The following EYA3 variants were observed in gnomAD, a reference collection of about 807,000 sequenced individuals.
The protein encoded by EYA3 is EYA transcriptional coactivator and phosphatase 3.
EYA3 carries 39 observed loss-of-function variants against 80.0 expected under a neutral mutation model. The observed-to-expected ratio is 0.49, with a 90% CI of 0.38 to 0.64. EYA3 has a LOEUF of 0.64. Among genes scored for constraint, EYA3 ranks in the 30% least tolerant of loss-of-function variants. The probability of loss-of-function intolerance (pLI) is 0.00; values close to 1 mark genes in which losing one functional copy is unlikely to be tolerated. For synonymous variants in EYA3, 206 were observed against 232.8 expected (o/e 0.88, Z 1.05); for missense variants, 523 against 676.1 (o/e 0.77, Z 2.51).
intron 11 of EYA3, 89 bp downstream of exon 11, chr1:28,004,247 T>C: frequency 2.3e-6 from 2 of 887,360 alleles, no homozygotes; most frequent in Non-Finnish European, 3.5e-6. Context: ...CCAACAGGGG[T>C]AGCAGAGAAA....
At position 28,027,920 on chromosome 1, in the gene EYA3, A is replaced by C. The variant is rs761172523; in HGVS notation, c.368T>G (p.Leu123Trp). The C allele has an allele frequency of 2.5e-6, 4 of 1,613,974 alleles. No individual in the cohort carries two copies. The highest frequency in any genetic ancestry group is 3.4e-6 in the Non-Finnish European group (4 of 1,179,990). ...QTYGLPPFGA[L>W]WPGMKPESGL... Reference sequence around the variant, plus strand: ...ACTTTCAGGTTTCATACCTGGCCACAATGCACCTGAATCAGATAAATTGGA... The same window carrying C: ...ACTTTCAGGTTTCATACCTGGCCACCATGCACCTGAATCAGATAAATTGGA... The change falls in exon 7 of 18, where the codon TTG becomes TGG. Residue 123 changes from leucine to tryptophan, a missense_variant. This residue lies in a region of EYA3 where 304 missense variants were observed against 343.3 expected (regional missense o/e 0.89). Transcript: ENST00000373871.
rs1468649207 is a variant in EYA3 at position 28,084,583 on chromosome 1, ATATATATATATATTTTTTTTTTTTTTTT to A, written c.-69+3913_-69+3940del. Among the ~76,000 whole-genome samples the A allele has an allele frequency of 8.2e-3, 141 of 17,284 alleles. 1 individual carries two copies. The highest frequency in any genetic ancestry group is 0.034 in the African/African-American group (135 of 3,964). 11.3% of individuals were successfully genotyped at this position (17,284 alleles called of 152,430 possible). ...TATATATATATATATATATATATAT[ATATATATATATATTTTTTTTTTTTTTTT>A]TTTTTTTTTTTTTTTTGAGATGAGT... On this transcript the variant is annotated intron_variant, in intron 1 of 17. Coordinates refer to ENST00000373871, the MANE Select transcript of EYA3 (RefSeq NM_001990.4).
At position 28,035,528 on chromosome 1, in the gene EYA3, C is replaced by T. The variant is rs747378195; in HGVS notation, c.361+16G>A. 6.2e-7 allele frequency: 1 copy of T among 1,603,868 alleles called. No individual in the cohort carries two copies. The highest frequency in any genetic ancestry group is 1.1e-5 in the South Asian group (1 of 88,710). ...AATCAACATTCTTAGAAATTGTTTA[C>T]AATACAGTGCCTTACCAAAAGGAGG... On this transcript the variant is annotated intron_variant, in intron 6 of 17. Transcript: ENST00000373871.
At chr1:28,037,049 A>G (rs1643498528) in intron 5 of EYA3, among the ~76,000 whole-genome samples, 1 of 152,336 alleles carries the variant, frequency 6.6e-6, no homozygotes, top group East Asian at 1.9e-4. Flanking sequence ...AAGTATATTA[A>G]GAGAAGTAGC....
intron 10 of EYA3, chr1:28,010,676 A>T (rs771774898): frequency 3.0e-5 from 10 of 331,180 alleles, no homozygotes; most frequent in Non-Finnish European, 5.5e-5. Flanking sequence ...TGACCCTTTT[A>T]AAATTTTAAA....
At chr1:27,986,870 T>C (rs1639694640) in intron 16 of EYA3, among the ~76,000 whole-genome samples, 1 of 152,026 alleles carries the variant, frequency 6.6e-6, no homozygotes, top group Non-Finnish European at 1.5e-5. Flanking sequence ...GCCCAGCTAA[T>C]TTTTTGTATT....
rs141281529 is a variant in EYA3, at chr1:27,988,307, A to G, written c.1540+228T>C. Among the ~76,000 whole-genome samples, 3 of 152,318 alleles carry G rather than the reference A, an allele frequency of 2.0e-5. No homozygotes were observed. In the East Asian group the frequency reaches 5.8e-4, roughly 29 times the overall value. On this transcript the variant is annotated intron_variant, in intron 16 of 17. Transcript: ENST00000373871. ...CTAAGCTAGATATTATGTTCTTTCA[A>G]ATATTATCAAAGAGCATGCTTATGT...
rs1017922327 is a variant in EYA3, at chr1:27,971,748, C to G, written c.*2718G>C. 3 of 152,122 alleles carry G rather than the reference C, an allele frequency of 2.0e-5. No homozygotes were observed. Among genetic ancestry groups the G allele is most frequent in the Non-Finnish European group, 4.4e-5 (3 of 68,040 alleles). 9.4% of individuals were successfully genotyped at this position (152,122 alleles called of 1,614,324 possible). A position where few individuals can be genotyped will look rare whatever the true frequency, so the allele number is the denominator to read the frequency against. On this transcript the variant is annotated 3_prime_UTR_variant, in exon 18 of 18. Transcript: ENST00000373871. ...CACAGTGTCCTTTGGTCCTCAGCTT[C>G]TAACAGCTCTTAATCCTACCCACTT...
intron 3 of EYA3, among the ~76,000 whole-genome samples, chr1:28,044,745 A>T (rs1031758064): frequency 5.9e-5 from 9 of 152,140 alleles, no homozygotes; most frequent in East Asian, 1.9e-4. Flanking sequence ...GGTTTTTTTT[A>T]AATGGTATAT....
At chr1:28,049,592 T>C (rs1290951502) in intron 2 of EYA3, among the ~76,000 whole-genome samples, 3 of 151,992 alleles carry the variant, frequency 2.0e-5, no homozygotes, top group African/African-American at 7.2e-5. Flanking sequence ...AAAGACACCA[T>C]AAAACAACCA....
At chr1:28,048,192 T>C (rs1052348391) in intron 3 of EYA3, among the ~76,000 whole-genome samples, 191 bp downstream of exon 3, 1 of 152,058 alleles carries the variant, frequency 6.6e-6, no homozygotes, top group African/African-American at 2.4e-5. Flanking sequence ...TAAGAACAAA[T>C]CAGTGCACAA....
At chr1:28,029,109 C>T (rs939641092) in intron 6 of EYA3, among the ~76,000 whole-genome samples, 1 of 152,214 alleles carries the variant, frequency 6.6e-6, no homozygotes, top group African/African-American at 2.4e-5. Flanking sequence ...AAATCTATCT[C>T]ATACTGACAA....
chr1:27,973,269 G>A lies in EYA3; in HGVS notation c.*1197C>T, dbSNP rs967646087. The A allele has an allele frequency of 6.6e-6, 1 of 152,186 alleles. No homozygotes were observed. Among genetic ancestry groups the A allele is most frequent in the Admixed American group, 6.5e-5 (1 of 15,272 alleles). 9.4% of individuals were successfully genotyped at this position (152,186 alleles called of 1,614,324 possible). A position where few individuals can be genotyped will look rare whatever the true frequency, so the allele number is the denominator to read the frequency against. On this transcript the variant is annotated 3_prime_UTR_variant, in exon 18 of 18. Transcript: ENST00000373871. ...TTGGCCAAAATGTAGTTATAAGCAT[G>A]TTTTTAGATTTGATTTGAATTCTTG...
At chr1:28,088,094 TCA>T (rs1358503527) in intron 1 of EYA3, among the ~76,000 whole-genome samples, 2 of 152,056 alleles carry the variant, frequency 1.3e-5, no homozygotes, top group Non-Finnish European at 2.9e-5. Context: ...AGGGAGAGGC[TCA>T]GTTTCTCGTG....
At position 27,973,245 on chromosome 1, in the gene EYA3, T is replaced by C. The variant is rs904390486; in HGVS notation, c.*1221A>G. On this transcript the variant is annotated 3_prime_UTR_variant, in exon 18 of 18. Transcript: ENST00000373871. ...AGGAAGTCAAATACATTGGCAGTTT[T>C]GGCCAAAATGTAGTTATAAGCATGT... 1 of 152,234 alleles carries C rather than the reference T, an allele frequency of 6.6e-6. No homozygotes were observed. The highest frequency in any genetic ancestry group is 1.5e-5 in the Non-Finnish European group (1 of 68,052). The allele number at this position is 152,234 out of a possible 1,614,324, so 9.4% of individuals were successfully genotyped here.
intron 1 of EYA3, among the ~76,000 whole-genome samples, chr1:28,065,386 C>T (rs1045882708): frequency 6.6e-6 from 1 of 152,102 alleles, no homozygotes; most frequent in African/African-American, 2.4e-5. Flanking sequence ...GATTCCCCTG[C>T]CTCAGCCTCC....
intron 1 of EYA3, among the ~76,000 whole-genome samples, chr1:28,083,506 C>A (rs562137067): frequency 8.0e-5 from 12 of 150,696 alleles, no homozygotes; most frequent in Non-Finnish European, 1.8e-4. Context: ...GGCGACAGGG[C>A]AAGACTCCGT....
chr1:28,079,953 C>T (rs1480618993), intron 1 of EYA3, among the ~76,000 whole-genome samples: 1 of 151,796 alleles, frequency 6.6e-6, no homozygotes, highest in African/African-American at 2.4e-5. Flanking sequence ...TTTTCCATTA[C>T]AAAAAGACAA....
intron 1 of EYA3, among the ~76,000 whole-genome samples, chr1:28,081,052 C>T (rs1300450391): frequency 2.0e-5 from 3 of 152,066 alleles, no homozygotes; most frequent in Non-Finnish European, 2.9e-5. Flanking sequence ...CCACTGCGCC[C>T]GGCCGATGGT....
Sources: gnomAD v4.1 joint callset for allele counts (sites outside exome capture counted in the v4.1 genomes callset) on GRCh38, gnomAD v4.1.1 for gene constraint, gnomAD v4.1.1 regional missense constraint, MANE v1.5 for transcripts, NCBI Gene and HGNC (gene_info 2026-07-23, HGNC 2026-07-21) for gene names.